IQANK1: variants seen among roughly 807,000 people sequenced by gnomAD.
IQANK1 encodes the protein IQ motif and ankyrin repeat domain-containing protein 1.
A neutral mutation model predicts 22.6 loss-of-function variants in IQANK1; 30 were observed. The observed-to-expected ratio is 1.33, with a 90% CI of 0.99 to 1.80. The LOEUF (loss-of-function observed/expected upper bound fraction) is 1.80. IQANK1 is among the 40% of genes most tolerant of loss of function. The pLI, the probability that IQANK1 is intolerant of heterozygous loss-of-function variation, is 0.00. For missense variants in IQANK1, 275 were observed against 235.2 expected, an observed-to-expected ratio of 1.17 and a Z score of -1.11; for synonymous variants, 122 against 99.6, an observed-to-expected ratio of 1.23 and a Z score of -1.34.
intron 7 of IQANK1, among the ~76,000 whole-genome samples, chr8:143,784,055 A>T (rs550718202): frequency 6.6e-6 from 1 of 152,284 alleles, no homozygotes; most frequent in East Asian, 1.9e-4. Flanking sequence ...GAAAGTTCTC[A>T]GTCATTACCT....
chr8:143,763,789 T>C (rs1344757532), intron 3 of IQANK1, among the ~76,000 whole-genome samples: 2 of 152,188 alleles, frequency 1.3e-5, no homozygotes, highest in African/African-American at 4.8e-5. Flanking sequence ...CAGTCTCAGG[T>C]GTTCCTCTGT....
intron 7 of IQANK1, among the ~76,000 whole-genome samples, chr8:143,776,206 A>G (rs2129922626): frequency 6.6e-6 from 1 of 151,808 alleles, no homozygotes; most frequent in East Asian, 1.9e-4. Flanking sequence ...CTGTAGTCCC[A>G]GCTACTCGGG....
intron 2 of IQANK1, among the ~76,000 whole-genome samples, chr8:143,737,206 G>T (rs1047063094): frequency 1.3e-5 from 2 of 152,016 alleles, no homozygotes; most frequent in African/African-American, 2.4e-5. Context: ...TCCAATAAAC[G>T]GGGGGCAGGG....
chr8:143,744,610 G>C (rs1452007011), intron 3 of IQANK1: 2 of 152,158 alleles, frequency 1.3e-5, no homozygotes, highest in African/African-American at 4.8e-5. Context: ...GCAAAGGCCA[G>C]GCAGGTGAAT....
intron 3 of IQANK1, among the ~76,000 whole-genome samples, chr8:143,754,286 C>T (rs1193403467): frequency 2.6e-5 from 4 of 152,180 alleles, no homozygotes; most frequent in South Asian, 4.1e-4. Flanking sequence ...TTACAGACTT[C>T]GTGACTATGT....
At chr8:143,788,857 C>T in intron 7 of IQANK1, 58 bp from the exon 8 acceptor site, 1 of 398,930 alleles carries the variant, frequency 2.5e-6, no homozygotes, top group Non-Finnish European at 4.4e-6. Flanking sequence ...AGTTCCTCTC[C>T]AGGCTGAGGA....
rs1345806588 is a variant in IQANK1 at position 143,776,340 on chromosome 8, A to AAG, written c.789+3859_789+3860insGA. 4.8e-3 allele frequency among the ~76,000 whole-genome samples: 709 copies of AAG among 147,878 alleles called. 3 individuals carry two copies. The highest frequency in any genetic ancestry group is 0.016 in the African/African-American group (601 of 38,382). ...GAGACTCCGTCTCAAAAAAAAAAAA[A>AAG]AAAAAGAAAAAGAAAAAAGAAAAAA... On this transcript the variant is annotated intron_variant, in intron 7 of 13. Coordinates refer to ENST00000527139, the MANE Select transcript of IQANK1 (RefSeq NM_001381874.1).
chr8:143,785,825 C>T (rs1425299937), intron 7 of IQANK1, among the ~76,000 whole-genome samples: 1 of 151,820 alleles, frequency 6.6e-6, no homozygotes, highest in Admixed American at 6.6e-5. Context: ...CTCCCAGATT[C>T]AAGCAATTCT....
chr8:143,742,747 A>T, intron 3 of IQANK1: 2 of 455,776 alleles, frequency 4.4e-6, no homozygotes, highest in South Asian at 1.5e-5. Context: ...CCTCCTGCAC[A>T]CGGGATCCTC....
chr8:143,783,118 T>C, intron 7 of IQANK1, among the ~76,000 whole-genome samples: 1 of 152,272 alleles, frequency 6.6e-6, no homozygotes, highest in Non-Finnish European at 1.5e-5. Flanking sequence ...TTGGTTATAA[T>C]GATGCTGCTA....
intron 3 of IQANK1, among the ~76,000 whole-genome samples, chr8:143,747,972 C>CCTTTCCTTTCCTTTCCCTTT (rs1398869330): frequency 2.0e-5 from 1 of 50,710 alleles, no homozygotes; most frequent in Admixed American, 2.2e-4. Flanking sequence ...CCTTTCCTTT[C>CCTTTCCTTTCCTTTCCCTTT]CCTTTCCTTT....
chr8:143,790,395 C>A lies in IQANK1; in HGVS notation c.1470C>A (p.Phe490Leu). 1.1e-6 allele frequency: 1 copy of A among 883,694 alleles called. No homozygotes were observed. Among genetic ancestry groups the A allele is most frequent in the Non-Finnish European group, 1.5e-6 (1 of 670,776 alleles). The allele number at this position is 883,694 out of a possible 1,614,324, so 54.7% of individuals were successfully genotyped here. A position where few individuals can be genotyped will look rare whatever the true frequency, so the allele number is the denominator to read the frequency against. ...LVFDLREEDL[F>L]PVVQRQLEAV... ...TCGACCTGCGAGAGGAAGACCTGTT[C>A]CCAGTCGTGCAGCGGCAGCTGGAGG... Residue 490 changes from phenylalanine to leucine, a missense_variant, in exon 14 of 14, where the codon TTC (phenylalanine) becomes TTA (leucine). By Grantham distance (22) the Phe-to-Leu change is conservative. Coordinates refer to ENST00000527139, the MANE Select transcript of IQANK1 (RefSeq NM_001381874.1).
intron 3 of IQANK1, among the ~76,000 whole-genome samples, chr8:143,748,249 C>T (rs967418139): frequency 2.0e-5 from 3 of 151,490 alleles, no homozygotes; most frequent in Non-Finnish European, 2.9e-5. Flanking sequence ...CCCGACTTGG[C>T]TTCCCAAAGT....
At chr8:143,741,044 G>A (rs1039734570) in intron 3 of IQANK1, among the ~76,000 whole-genome samples, 9 of 152,184 alleles carry the variant, frequency 5.9e-5, no homozygotes, top group African/African-American at 2.2e-4. Flanking sequence ...GGCCAGCACC[G>A]AGGCTCTGCC....
chr8:143,749,398 TATATC>T (rs1554627747), intron 3 of IQANK1, among the ~76,000 whole-genome samples: 1 of 131,410 alleles, frequency 7.6e-6, no homozygotes, highest in African/African-American at 3.0e-5. Context: ...TATATAATTA[TATATC>T]ATATCATATA....
intron 7 of IQANK1, among the ~76,000 whole-genome samples, chr8:143,779,341 C>T (rs1003110252): frequency 6.6e-6 from 1 of 152,176 alleles, no homozygotes; most frequent in African/African-American, 2.4e-5. Flanking sequence ...ACCCCTTAAT[C>T]GTATGCCCCA....
intron 3 of IQANK1, among the ~76,000 whole-genome samples, chr8:143,751,626 GT>G (rs1819190171): frequency 1.6e-5 from 1 of 63,124 alleles, no homozygotes; most frequent in African/African-American, 7.8e-5. Context: ...AAAAAAAAAA[GT>G]GTGTGTGTGT....
chr8:143,776,796 ATGGGGAAACGGCTCAAGGC>A (rs1294675731), intron 7 of IQANK1, among the ~76,000 whole-genome samples: 12 of 152,240 alleles, frequency 7.9e-5, no homozygotes, highest in Admixed American at 3.3e-4. Flanking sequence ...GCTCCTATAC[ATGGGGAAACGGCTCAAGGC>A]TGGGGAAACG....
At chr8:143,749,242 CAT>C (rs541172270) in intron 3 of IQANK1, among the ~76,000 whole-genome samples, 197 of 116,750 alleles carry the variant, frequency 1.7e-3, no homozygotes, top group African/African-American at 6.6e-3. Context: ...ACCTATATAT[CAT>C]ATATGTTATA....
Sources: allele counts gnomAD v4.1 joint callset (sites outside exome capture counted in the v4.1 genomes callset), GRCh38; gene constraint gnomAD v4.1.1; transcripts MANE v1.5; gene names NCBI Gene and HGNC (gene_info 2026-07-23, HGNC 2026-07-21).